TRAPPC9: variants seen among roughly 807,000 people sequenced by gnomAD.
TRAPPC9 encodes the protein trafficking protein particle complex subunit 9.
TRAPPC9 carries 83 observed loss-of-function variants against 124.0 expected under a neutral mutation model. That is an observed-to-expected ratio of 0.67 (90% CI 0.56 to 0.80). TRAPPC9 has a LOEUF of 0.80. TRAPPC9 is among the 30% of genes least tolerant of loss of function. TRAPPC9 has a pLI of 0.00. For synonymous variants in TRAPPC9, 638 were observed against 617.5 expected, an observed-to-expected ratio of 1.03 and a Z score of -0.49; for missense variants, 1,302 against 1,508.3, an observed-to-expected ratio of 0.86 and a Z score of 2.27.
At chr8:140,200,717 C>T (rs1376402036) in intron 17 of TRAPPC9, among the ~76,000 whole-genome samples, 1 of 152,054 alleles carries the variant, frequency 6.6e-6, no homozygotes, top group Non-Finnish European at 1.5e-5. Context: ...ACTAAGAAGA[C>T]CCGGAGGATA....
rs560848842 is a variant in TRAPPC9, at chr8:140,163,319, G to A, written c.2556+58140C>T. Among the ~76,000 whole-genome samples the A allele has an allele frequency of 2.0e-5, 3 of 152,312 alleles. No homozygotes were observed. The South Asian group carries it at 6.2e-4, about 32-fold the overall frequency. The stretch of plus-strand genomic sequence containing the variant: ...ACTTGGGCTGTGAGTGCCTTGAAGT[G>A]AGGGACTAGTCTCTCCCAATGCCCA... On this transcript the variant is annotated intron_variant, in intron 17 of 22. Coordinates refer to ENST00000438773, the MANE Select transcript of TRAPPC9 (RefSeq NM_001160372.4).
At chr8:139,739,307 G>A (rs1230990925) in intron 21 of TRAPPC9, among the ~76,000 whole-genome samples, 1 of 152,206 alleles carries the variant, frequency 6.6e-6, no homozygotes, top group Non-Finnish European at 1.5e-5. Context: ...CCCCGCCCTG[G>A]CTGGCCGCTC....
rs1453522869 is a variant in TRAPPC9, at chr8:139,960,956, C to T, written c.2810+27770G>A. Among the ~76,000 whole-genome samples the T allele has an allele frequency of 2.4e-5, 3 of 125,392 alleles. 1 individual carries two copies. The highest frequency in any genetic ancestry group is 7.6e-5 in the African/African-American group (3 of 39,496). The allele number at this position is 125,392 out of a possible 152,430, so 82.3% of individuals were successfully genotyped here. ...TTTTAGGATTTCCCTTCAGGGTCCACGTGTCCCCAATACCAAGTTCCATAA... is the reference window on the plus strand; with the variant it reads ...TTTTAGGATTTCCCTTCAGGGTCCATGTGTCCCCAATACCAAGTTCCATAA... On this transcript the variant is annotated intron_variant, in intron 19 of 22. Transcript: ENST00000438773.
At chr8:140,035,597 C>T (rs756683530) in intron 17 of TRAPPC9, among the ~76,000 whole-genome samples, 8 of 152,194 alleles carry the variant, frequency 5.3e-5, no homozygotes, top group African/African-American at 9.7e-5. Context: ...CCATCCTATC[C>T]GACAGGAAGG....
At chr8:139,969,174 G>A (rs772514109) in intron 19 of TRAPPC9, among the ~76,000 whole-genome samples, 12 of 152,224 alleles carry the variant, frequency 7.9e-5, no homozygotes, top group Admixed American at 2.0e-4. Flanking sequence ...GCAAATGCCC[G>A]TTCTTATGTT....
At chr8:140,095,781 G>T (rs1376428317) in intron 17 of TRAPPC9, 1 of 152,254 alleles carries the variant, frequency 6.6e-6, no homozygotes, top group African/African-American at 2.4e-5. Context: ...TTGCCTTATG[G>T]AGAAGGTTCT....
intron 17 of TRAPPC9, among the ~76,000 whole-genome samples, chr8:140,088,982 G>T (rs890389374): frequency 6.6e-6 from 1 of 152,188 alleles, no homozygotes; most frequent in Non-Finnish European, 1.5e-5. Context: ...CGATTTCTGG[G>T]TAGTAAGGTT....
intron 16 of TRAPPC9, among the ~76,000 whole-genome samples, chr8:140,240,472 C>G (rs963990093): frequency 6.6e-5 from 10 of 152,200 alleles, no homozygotes; most frequent in African/African-American, 2.4e-4. Flanking sequence ...CTGGCACACT[C>G]CTGGTTAAGA....
chr8:140,267,515 A>C (rs1032682169), intron 15 of TRAPPC9, among the ~76,000 whole-genome samples: 3 of 152,260 alleles, frequency 2.0e-5, no homozygotes, highest in South Asian at 2.1e-4. Flanking sequence ...AGGATGCAGC[A>C]GTGAAATAAA....
chr8:139,736,509 C>A (rs1405903656), intron 21 of TRAPPC9, among the ~76,000 whole-genome samples: 1 of 152,224 alleles, frequency 6.6e-6, no homozygotes, highest in East Asian at 1.9e-4. Flanking sequence ...GACGCTGACT[C>A]TTCCCCATGA....
chr8:140,324,139 C>T lies in TRAPPC9; in HGVS notation c.1496-12765G>A, dbSNP rs371866188. Among the ~76,000 whole-genome samples, 5 of 151,870 alleles carry T rather than the reference C, an allele frequency of 3.3e-5. No individual in the cohort carries two copies. In the East Asian group the frequency reaches 5.8e-4, roughly 18 times the overall value. The stretch of plus-strand genomic sequence containing the variant: ...GATCCCACTTACGAGTGAGAACATA[C>T]GATGTTTGATTTTCAGGAAACAACC... On this transcript the variant is annotated intron_variant, in intron 9 of 22. Transcript: ENST00000438773.
chr8:140,092,272 A>G (rs1237108299), intron 17 of TRAPPC9, among the ~76,000 whole-genome samples: 1 of 146,944 alleles, frequency 6.8e-6, no homozygotes, highest in South Asian at 2.1e-4. Context: ...ATCTCGGCTC[A>G]CTGCAACCTC....
intron 17 of TRAPPC9, among the ~76,000 whole-genome samples, chr8:140,115,007 G>A (rs1487269144): frequency 1.3e-5 from 2 of 152,166 alleles, no homozygotes; most frequent in Non-Finnish European, 2.9e-5. Context: ...CCTGACTGAA[G>A]GAAGCCCACA....
At chr8:139,941,044 A>G (rs1045381087) in intron 19 of TRAPPC9, among the ~76,000 whole-genome samples, 1 of 152,224 alleles carries the variant, frequency 6.6e-6, no homozygotes, top group Admixed American at 6.5e-5. Flanking sequence ...GTGGACCCAC[A>G]TGATTGGTTC....
chr8:139,783,609 A>G (rs1821984021), intron 21 of TRAPPC9, among the ~76,000 whole-genome samples: 1 of 152,188 alleles, frequency 6.6e-6, no homozygotes. Context: ...GAAAGACACA[A>G]ACTCTTCCAG....
chr8:140,360,109 A>G lies in TRAPPC9; in HGVS notation c.1436T>C (p.Leu479Pro), dbSNP rs1424086631. The change falls in exon 9 of 23, where the codon CTC becomes CCC. Residue 479 changes from leucine to proline, a missense_variant. Leu to Pro is a moderately conservative substitution (Grantham distance 98, BLOSUM62 -3). Coordinates refer to ENST00000438773, the MANE Select transcript of TRAPPC9 (RefSeq NM_001160372.4). Reference protein sequence around the residue: ...YASRRMGNPALSVRHLSFLLQ... With the variant: ...YASRRMGNPAPSVRHLSFLLQ... ...AAGGAAGGACAGGTGTCTGACAGAG[A>G]GGGCAGGGTTCCCCATCCTTCGGGA... The G allele has an allele frequency of 6.2e-7, 1 of 1,614,220 alleles. No individual in the cohort carries two copies. The highest frequency in any genetic ancestry group is 2.2e-5 in the East Asian group (1 of 44,886).
chr8:140,130,509 T>G (rs2061188341), intron 17 of TRAPPC9, among the ~76,000 whole-genome samples: 1 of 152,150 alleles, frequency 6.6e-6, no homozygotes, highest in African/African-American at 2.4e-5. Flanking sequence ...ATAACTGAAT[T>G]ATAATCTTGA....
At chr8:140,114,345 A>C (rs532941402) in intron 17 of TRAPPC9, among the ~76,000 whole-genome samples, 3 of 151,794 alleles carry the variant, frequency 2.0e-5, no homozygotes, top group Non-Finnish European at 2.9e-5. Context: ...AAAAAAAAAA[A>C]AAAAAACCTC....
intron 17 of TRAPPC9, among the ~76,000 whole-genome samples, chr8:140,086,298 C>T (rs759666565): frequency 1.3e-5 from 2 of 151,888 alleles, no homozygotes; most frequent in Admixed American, 6.6e-5. Context: ...CAGGGGAAGA[C>T]GATGAAAGGA....
Sources: allele counts gnomAD v4.1 joint callset (sites outside exome capture counted in the v4.1 genomes callset), GRCh38; gene constraint gnomAD v4.1.1; transcripts MANE v1.5; gene names NCBI Gene and HGNC (gene_info 2026-07-23, HGNC 2026-07-21).